The following PPP1R12A variants were observed in gnomAD, a reference collection of about 807,000 sequenced individuals.
PPP1R12A encodes protein phosphatase 1 regulatory subunit 12A.
A neutral mutation model predicts 139.6 loss-of-function variants in PPP1R12A; 19 were observed. The observed-to-expected ratio is 0.14, with a 90% CI of 0.09 to 0.20. PPP1R12A has a LOEUF of 0.20. Among genes scored for constraint, PPP1R12A ranks in the 10% least tolerant of loss-of-function variants. The pLI is 1.00. For missense variants in PPP1R12A, 925 were observed against 1,211.5 expected (o/e 0.76, Z 3.51); for synonymous variants, 427 against 420.6 (o/e 1.02, Z -0.19).
rs573245386 is a variant in PPP1R12A, at chr12:79,843,709, AT to A, written c.487+1592del. 5.7e-3 allele frequency among the ~76,000 whole-genome samples: 815 copies of A among 142,606 alleles called. 11 individuals carry two copies. Among genetic ancestry groups the A allele is most frequent in the Admixed American group, 0.029 (411 of 14,224 alleles). 93.6% of individuals were successfully genotyped at this position (142,606 alleles called of 152,430 possible). A position where few individuals can be genotyped will look rare whatever the true frequency, so the allele number is the denominator to read the frequency against. ...TTTCTAGAAAAGGAGTTGCTGGATC[AT>A]TTTTTTTTTTTTAGACGGAGTCTCA... is the stretch of plus-strand genomic sequence containing the variant. On this transcript the variant is annotated intron_variant, in intron 3 of 24. Transcript: ENST00000450142.
At chr12:79,782,494 C>G (rs1038907074) in intron 22 of PPP1R12A, 2 of 436,080 alleles carry the variant, frequency 4.6e-6, no homozygotes, top group African/African-American at 4.1e-5. Flanking sequence ...TACTATCTGA[C>G]CAGCTCAAAG....
intron 22 of PPP1R12A, among the ~76,000 whole-genome samples, chr12:79,785,591 G>A (rs557244576): frequency 2.6e-5 from 4 of 152,094 alleles, no homozygotes; most frequent in Non-Finnish European, 4.4e-5. Context: ...GCAGAAATAC[G>A]TTTATGCTAG....
intron 9 of PPP1R12A, among the ~76,000 whole-genome samples, chr12:79,816,657 AACAG>A (rs1442074401): frequency 2.0e-5 from 3 of 152,136 alleles, no homozygotes; most frequent in Non-Finnish European, 4.4e-5. Context: ...AGGGATGGAG[AACAG>A]ACAGAGAACA....
chr12:79,883,079 G>A (rs1245546606), intron 1 of PPP1R12A, among the ~76,000 whole-genome samples: 6 of 152,122 alleles, frequency 3.9e-5, no homozygotes, highest in Non-Finnish European at 5.9e-5. Context: ...GGAGTTTACA[G>A]TGAGCCAAGA....
intron 9 of PPP1R12A, among the ~76,000 whole-genome samples, chr12:79,814,196 G>A (rs1461444347): frequency 2.6e-5 from 4 of 151,940 alleles, no homozygotes; most frequent in South Asian, 2.1e-4. Context: ...CTCCCTCTTC[G>A]GCTGGGCATG....
At chr12:79,821,885 G>A (rs1052345823) in intron 6 of PPP1R12A, among the ~76,000 whole-genome samples, 1 of 151,904 alleles carries the variant, frequency 6.6e-6, no homozygotes, top group Admixed American at 6.6e-5. Context: ...CGTTATTCTT[G>A]AGGACATATA....
At chr12:79,802,956 G>A (rs1205646709) in intron 14 of PPP1R12A, among the ~76,000 whole-genome samples, 1 of 152,064 alleles carries the variant, frequency 6.6e-6, no homozygotes, top group African/African-American at 2.4e-5. Context: ...TTAGTACCAT[G>A]GCAAATAGTA....
intron 4 of PPP1R12A, among the ~76,000 whole-genome samples, chr12:79,829,108 T>C (rs1052063110): frequency 6.6e-6 from 1 of 152,182 alleles, no homozygotes; most frequent in African/African-American, 2.4e-5. Context: ...CACATTTTAA[T>C]ACAATGCAAA....
chr12:79,875,984 A>G (rs1883063688), intron 1 of PPP1R12A, among the ~76,000 whole-genome samples: 1 of 152,224 alleles, frequency 6.6e-6, no homozygotes, highest in Non-Finnish European at 1.5e-5. Flanking sequence ...TGGAGAAAAC[A>G]AAAGAGCTTC....
intron 14 of PPP1R12A, among the ~76,000 whole-genome samples, chr12:79,804,025 AG>A (rs1196064020): frequency 6.6e-6 from 1 of 152,146 alleles, no homozygotes; most frequent in Non-Finnish European, 1.5e-5. Context: ...TGCTAGAGAT[AG>A]AAAAGATTCT....
At chr12:79,813,496 A>G (rs1174754677) in intron 9 of PPP1R12A, among the ~76,000 whole-genome samples, 1 of 152,206 alleles carries the variant, frequency 6.6e-6, no homozygotes, top group Non-Finnish European at 1.5e-5. Flanking sequence ...AATTCAATTA[A>G]CCAGAACACT....
chr12:79,834,515 A>G (rs183088276), intron 3 of PPP1R12A, among the ~76,000 whole-genome samples: 135 of 152,314 alleles, frequency 8.9e-4, no homozygotes, highest in African/African-American at 3.1e-3. Context: ...AAAGTGGTTG[A>G]ATTCTGGGTT....
intron 23 of PPP1R12A, chr12:79,779,000 T>C (rs975391451): frequency 1.2e-5 from 3 of 244,032 alleles, no homozygotes; most frequent in African/African-American, 6.7e-5. Flanking sequence ...GCCTAAAATA[T>C]GTGTACTTTG....
intron 2 of PPP1R12A, among the ~76,000 whole-genome samples, chr12:79,870,029 GA>G (rs1218031526): frequency 6.6e-6 from 1 of 151,738 alleles, no homozygotes; most frequent in Non-Finnish European, 1.5e-5. Flanking sequence ...CTATACCCAA[GA>G]AAACTAGGGT....
intron 2 of PPP1R12A, among the ~76,000 whole-genome samples, chr12:79,867,852 A>C (rs1294208279): frequency 6.6e-6 from 1 of 152,044 alleles, no homozygotes; most frequent in African/African-American, 2.4e-5. Flanking sequence ...TTTGCTTGGC[A>C]CTTCTTCCTG....
chr12:79,911,254 C>G (rs1319628536), intron 1 of PPP1R12A, among the ~76,000 whole-genome samples: 3 of 152,206 alleles, frequency 2.0e-5, no homozygotes, highest in Non-Finnish European at 4.4e-5. Flanking sequence ...CCAGGCGCAA[C>G]ACCCTGAGAT....
chr12:79,905,566 C>T (rs988390793), intron 1 of PPP1R12A, among the ~76,000 whole-genome samples: 5 of 152,262 alleles, frequency 3.3e-5, no homozygotes, highest in Admixed American at 2.0e-4. Flanking sequence ...CAGGATGCTG[C>T]AGATACTTTC....
intron 1 of PPP1R12A, among the ~76,000 whole-genome samples, chr12:79,910,462 G>A (rs543210002): frequency 1.7e-5 from 2 of 115,708 alleles, no homozygotes; most frequent in South Asian, 2.9e-4. Context: ...AACAGAGCAC[G>A]ACTCCGTCAA....
chr12:79,813,834 A>T (rs986245819), intron 9 of PPP1R12A, among the ~76,000 whole-genome samples: 1 of 152,212 alleles, frequency 6.6e-6, no homozygotes, highest in African/African-American at 2.4e-5. Context: ...AAAGAAAATA[A>T]GCATGTAAAA....
Sources: allele counts gnomAD v4.1 joint callset (sites outside exome capture counted in the v4.1 genomes callset), GRCh38; gene constraint gnomAD v4.1.1; transcripts MANE v1.5; gene names NCBI Gene and HGNC (gene_info 2026-07-23, HGNC 2026-07-21).